The following MTSS2 variants were observed in gnomAD, a reference collection of about 807,000 sequenced individuals.
MTSS2 encodes the protein MTSS I-BAR domain containing 2.
MTSS2 carries 27 observed loss-of-function variants against 67.1 expected under a neutral mutation model. The ratio of observed to expected loss-of-function variants is 0.40; its 90% CI spans 0.30 to 0.55. The LOEUF is 0.55. Among genes scored for constraint, MTSS2 ranks in the 20% least tolerant of loss-of-function variants. The probability of loss-of-function intolerance (pLI) is 0.43; values close to 1 mark genes in which losing one functional copy is unlikely to be tolerated. For synonymous variants in MTSS2, 624 were observed against 468.6 expected (o/e 1.33, Z -4.28); for missense variants, 1,171 against 1,067.8 (o/e 1.10, Z -1.35).
chr16:70,674,795 TCTGC>T (rs1257403231), intron 10 of MTSS2, among the ~76,000 whole-genome samples: 1 of 152,174 alleles, frequency 6.6e-6, no homozygotes, highest in African/African-American at 2.4e-5. Flanking sequence ...AGGCAACCTC[TCTGC>T]CTCCTATTCT....
At chr16:70,680,097 C>A (rs1456886923) in intron 3 of MTSS2, 42 bp from the exon 4 acceptor site, 6 of 1,361,330 alleles carry the variant, frequency 4.4e-6, no homozygotes, top group Non-Finnish European at 4.7e-6. Context: ...CCGCTGGGGC[C>A]TGCGCAGTCC....
intron 11 of MTSS2, among the ~76,000 whole-genome samples, chr16:70,668,882 A>G (rs1261923552): frequency 6.6e-6 from 1 of 152,176 alleles, no homozygotes; most frequent in African/African-American, 2.4e-5. Context: ...TCTGTAGTCT[A>G]AGCCACCCAG....
chr16:70,664,543 C>T, intron 14 of MTSS2, 55 bp downstream of exon 14: 1 of 1,593,050 alleles, frequency 6.3e-7, no homozygotes, highest in Non-Finnish European at 8.6e-7. Flanking sequence ...ACGGGGCCCT[C>T]CTGGATGGCT....
chr16:70,682,684 A>G lies in MTSS2; in HGVS notation c.70-1659T>C, dbSNP rs1215875321. 4.3e-5 allele frequency among the ~76,000 whole-genome samples: 6 copies of G among 139,814 alleles called. No homozygotes were observed. In the East Asian group the frequency reaches 7.2e-4, roughly 17 times the overall value. The allele number at this position is 139,814 out of a possible 152,430, so 91.7% of individuals were successfully genotyped here. A position where few individuals can be genotyped will look rare whatever the true frequency, so the allele number is the denominator to read the frequency against. ...CCACGGTAACCACATAAAGGACCCC[A>G]GAGACAAAGAGCTTATGTCTTATTT... On this transcript the variant is annotated intron_variant, in intron 1 of 14. Transcript: ENST00000338779.
Position 70,664,258 on chromosome 16 carries a change from AG to A in MTSS2, c.1662del (p.Ser555ArgfsTer39). On this transcript the variant is annotated frameshift_variant, in exon 15 of 15. Transcript: ENST00000338779. LOFTEE classifies it low-confidence loss of function (END_TRUNC). ...TAGLPTATGL[P>X]SGAPPGVATI... ...GTGGCCACGCCGGGGGGTGCGCCCG[AG>A]GGCAGGCCAGTGGCCGTGGGCAGCC... 1 of 1,557,360 alleles carries A rather than the reference AG, an allele frequency of 6.4e-7. No homozygotes were observed. Among genetic ancestry groups the A allele is most frequent in the Non-Finnish European group, 8.6e-7 (1 of 1,158,988 alleles).
intron 11 of MTSS2, among the ~76,000 whole-genome samples, 175 bp downstream of exon 11, chr16:70,674,131 G>GAGAT (rs2053030824): frequency 6.6e-6 from 1 of 152,166 alleles, no homozygotes; most frequent in Non-Finnish European, 1.5e-5. Flanking sequence ...TTTAAAAGCA[G>GAGAT]AGATAGAAAA....
At chr16:70,671,592 G>A (rs977007028) in intron 11 of MTSS2, among the ~76,000 whole-genome samples, 1 of 152,144 alleles carries the variant, frequency 6.6e-6, no homozygotes, top group African/African-American at 2.4e-5. Context: ...GAAATAGAAA[G>A]TCACCTATTT....
chr16:70,661,506 A>AAT lies in MTSS2; in HGVS notation c.*2169_*2170dup, dbSNP rs1379642039. 12 of 350,176 alleles carry AAT rather than the reference A, an allele frequency of 3.4e-5. No individual in the cohort carries two copies. The Admixed American group carries it at 3.5e-4, about 10-fold the overall frequency. 21.7% of individuals were successfully genotyped at this position (350,176 alleles called of 1,614,324 possible). ...TCAGTCAAAAGACGCTTTTGAAAAGAATATTTCTCCGTACAAAATGAGAAA... is the reference window on the plus strand; with the variant it reads ...TCAGTCAAAAGACGCTTTTGAAAAGAATATATTTCTCCGTACAAAATGAGAAA... On this transcript the variant is annotated 3_prime_UTR_variant, in exon 15 of 15. Transcript: ENST00000338779.
chr16:70,680,785 C>T lies in MTSS2; in HGVS notation c.205+9G>A, dbSNP rs1317254070. ...GGCAACCCCAACCTCCAGCCACGCG[C>T]CTCCCCACCTCGGGTGTTGGTAGCC... On this transcript the variant is annotated intron_variant, in intron 3 of 14. Coordinates refer to ENST00000338779, the MANE Select transcript of MTSS2 (RefSeq NM_138383.3). 3 of 1,551,350 alleles carry T rather than the reference C, an allele frequency of 1.9e-6. No homozygotes were observed. Among genetic ancestry groups the T allele is most frequent in the Non-Finnish European group, 1.7e-6 (2 of 1,147,314 alleles).
chr16:70,661,227 T>C lies in MTSS2; in HGVS notation c.*2450A>G, dbSNP rs1234290803. 2.2e-6 allele frequency: 1 copy of C among 454,790 alleles called. No individual in the cohort carries two copies. Among genetic ancestry groups the C allele is most frequent in the Non-Finnish European group, 4.4e-6 (1 of 226,466 alleles). 28.2% of individuals were successfully genotyped at this position (454,790 alleles called of 1,614,324 possible). ...GGTGTTAATTACAGTACACCTTTAT[T>C]AATACTGGAATCTTCACAGTGCATC... On this transcript the variant is annotated 3_prime_UTR_variant, in exon 15 of 15. Coordinates refer to ENST00000338779, the MANE Select transcript of MTSS2 (RefSeq NM_138383.3).
chr16:70,666,668 G>C (rs2052725567), intron 11 of MTSS2, among the ~76,000 whole-genome samples: 1 of 152,222 alleles, frequency 6.6e-6, no homozygotes, highest in Non-Finnish European at 1.5e-5. Context: ...GGCACCACCT[G>C]TGAGGATTTG....
At chr16:70,673,864 T>C (rs1468334960) in intron 11 of MTSS2, among the ~76,000 whole-genome samples, 1 of 151,954 alleles carries the variant, frequency 6.6e-6, no homozygotes, top group African/African-American at 2.4e-5. Context: ...CAAGGTAACC[T>C]ATAAAAGAAA....
Position 70,665,501 on chromosome 16 carries a change from A to T in MTSS2, c.1093T>A (p.Cys365Ser), listed in dbSNP as rs895502364. The T allele has an allele frequency of 1.2e-5, 19 of 1,551,270 alleles. No individual in the cohort carries two copies. In the Admixed American group the frequency reaches 3.1e-4, roughly 26 times the overall value. The change falls in exon 12 of 15, where the codon TGC (cysteine) becomes AGC (serine). Residue 365 changes from cysteine (C) to serine (S), a missense_variant. Physicochemically the swap from Cys to Ser is moderately radical, Grantham distance 112. This residue lies in a region of MTSS2 where 924 missense variants were observed against 756.0 expected (regional missense o/e 1.22). Transcript: ENST00000338779. The part of the protein sequence containing the change: ...SSASSEASET[C>S]QSVSECSSPT... ...GAGCTGCACTCGCTAACGGACTGGC[A>T]GGTTTCCGAGGCCTCGGAAGATGCA... is the stretch of plus-strand genomic sequence containing the variant.
intron 11 of MTSS2, among the ~76,000 whole-genome samples, chr16:70,667,940 CAG>C (rs1008256191): frequency 7.3e-5 from 11 of 150,298 alleles, no homozygotes; most frequent in African/African-American, 2.2e-4. Flanking sequence ...CCTAAACAAA[CAG>C]AGGGATATCT....
chr16:70,675,514 C>T (rs910594174), intron 10 of MTSS2, among the ~76,000 whole-genome samples: 13 of 152,170 alleles, frequency 8.5e-5, no homozygotes, highest in Non-Finnish European at 1.3e-4. Flanking sequence ...AAGAATATAT[C>T]TTTATCACTG....
Position 70,661,275 on chromosome 16 carries a change from A to G in MTSS2, c.*2402T>C, listed in dbSNP as rs1207913095. 2.2e-6 allele frequency: 1 copy of G among 453,158 alleles called. No homozygotes were observed. The highest frequency in any genetic ancestry group is 7.1e-5 in the East Asian group (1 of 14,070). The allele number at this position is 453,158 out of a possible 1,614,324, so 28.1% of individuals were successfully genotyped here. ...ATCTGTTACTTGTAGCAGTGACTATATTTAAATCGGGGAGGATGGTGTGGA... is the reference window on the plus strand; with the variant it reads ...ATCTGTTACTTGTAGCAGTGACTATGTTTAAATCGGGGAGGATGGTGTGGA... On this transcript the variant is annotated 3_prime_UTR_variant, in exon 15 of 15. Coordinates refer to ENST00000338779, the MANE Select transcript of MTSS2 (RefSeq NM_138383.3).
At chr16:70,680,943 G>T (rs1355364037) in intron 2 of MTSS2, 21 bp downstream of exon 2, 3 of 1,592,580 alleles carry the variant, frequency 1.9e-6, no homozygotes, top group East Asian at 2.3e-5. Context: ...TCCCCTGCTG[G>T]GGTGCCCTGG....
At position 70,661,911 on chromosome 16, in the gene MTSS2, T is replaced by C. The variant is rs58865487; in HGVS notation, c.*1766A>G. ...CCCTGGGGAGAATGTGTGGCGGAAA[T>C]TCTACCCAAGACTCCCCAAATAATT... On this transcript the variant is annotated 3_prime_UTR_variant, in exon 15 of 15. Transcript: ENST00000338779. 6,315 of 154,086 alleles carry C rather than the reference T, an allele frequency of 0.041. 457 individuals carry two copies. Among genetic ancestry groups the C allele is most frequent in the African/African-American group, 0.14 (5,891 of 41,480 alleles). The allele number at this position is 154,086 out of a possible 1,614,324, so 9.5% of individuals were successfully genotyped here.
rs1416507558 is a variant in MTSS2, at chr16:70,669,000, TCACACCACACA to T, written c.1054-3471_1054-3461del. Among the ~76,000 whole-genome samples, 5 of 151,908 alleles carry T rather than the reference TCACACCACACA, an allele frequency of 3.3e-5. No individual in the cohort carries two copies. The South Asian group carries it at 6.2e-4, about 19-fold the overall frequency. Reference sequence around the variant, plus strand: ...CCATATGAAAAAAAGGACCCCTACCTCACACCACACACACACCACACACTCAATTCCAGATG... The same window carrying T: ...CCATATGAAAAAAAGGACCCCTACCTCACACCACACACTCAATTCCAGATG... On this transcript the variant is annotated intron_variant, in intron 11 of 14. Transcript: ENST00000338779.
Sources: gnomAD v4.1 joint callset for allele counts (sites outside exome capture counted in the v4.1 genomes callset) on GRCh38, gnomAD v4.1.1 for gene constraint, gnomAD v4.1.1 regional missense constraint, MANE v1.5 for transcripts, NCBI Gene and HGNC (gene_info 2026-07-23, HGNC 2026-07-21) for gene names.